Variants in MME observed in about 807,000 individuals in gnomAD.
MME encodes membrane metalloendopeptidase.
Under a neutral mutation model 113.2 loss-of-function variants are expected in MME, and 98 were observed. That is an observed-to-expected ratio of 0.87 (90% CI 0.74 to 1.02). The LOEUF (loss-of-function observed/expected upper bound fraction) is 1.02, where lower values mean the gene tolerates loss of function less well. Among genes scored for constraint, MME ranks in the 50% least tolerant of loss-of-function variants. MME has a pLI of 0.00. For missense variants in MME, 836 were observed against 896.0 expected (o/e 0.93, Z 0.86); for synonymous variants, 292 against 300.6 (o/e 0.97, Z 0.30).
chr3:155,039,149 G>C (rs1403949686), intron 1 of MME, among the ~76,000 whole-genome samples: 1 of 152,150 alleles, frequency 6.6e-6, no homozygotes. Flanking sequence ...GCAGAGTCAA[G>C]TGCAAGAGGA....
At chr3:155,162,152 C>T (rs3773878) in intron 17 of MME, among the ~76,000 whole-genome samples, 5,249 of 152,216 alleles carry the variant, frequency 0.034, 153 homozygotes, top group East Asian at 0.13. Context: ...TGGATCCTAT[C>T]GGAGCTCATG....
chr3:155,065,033 C>T (rs1714342859), intron 1 of MME, among the ~76,000 whole-genome samples: 1 of 152,122 alleles, frequency 6.6e-6, no homozygotes, highest in South Asian at 2.1e-4. Context: ...AAGGGTCATC[C>T]TACTCCAGTA....
At chr3:155,133,970 T>C (rs1197442560) in intron 8 of MME, among the ~76,000 whole-genome samples, 1 of 151,646 alleles carries the variant, frequency 6.6e-6, no homozygotes, top group Non-Finnish European at 1.5e-5. Context: ...GCTTGTACTT[T>C]GGAATAGTTG....
intron 1 of MME, among the ~76,000 whole-genome samples, chr3:155,049,078 T>C (rs879268273): frequency 3.3e-5 from 5 of 152,160 alleles, no homozygotes; most frequent in South Asian, 2.1e-4. Flanking sequence ...TTTTATTTTT[T>C]ATTTCAATTT....
chr3:155,026,943 T>C (rs981527017), intron 1 of MME, among the ~76,000 whole-genome samples: 1 of 152,206 alleles, frequency 6.6e-6, no homozygotes, highest in African/African-American at 2.4e-5. Context: ...TTATTCTGTC[T>C]ATCTACTCAG....
At chr3:155,042,408 C>T (rs1422676260) in intron 1 of MME, among the ~76,000 whole-genome samples, 20 of 152,108 alleles carry the variant, frequency 1.3e-4, no homozygotes, top group Non-Finnish European at 2.9e-5. Flanking sequence ...CAGTCTTTCT[C>T]CTGAAAGGTA....
At position 155,116,976 on chromosome 3, in the gene MME, A is replaced by T; in HGVS notation, c.644A>T (p.His215Leu). ...VGTDDKNSVN[H>L]VIHIDQPRLG... ...ACTGATGATAAGAATTCTGTGAATC[A>T]TGTAATTCATGTAAGTTTGTGTGTC... Residue 215 changes from histidine to leucine, a missense_variant, in exon 7 of 23, where the codon CAT (histidine) becomes CTT (leucine). Coordinates refer to ENST00000360490, the MANE Select transcript of MME (RefSeq NM_007289.4). 6.5e-7 allele frequency: 1 copy of T among 1,529,450 alleles called. No individual in the cohort carries two copies. Among genetic ancestry groups the T allele is most frequent in the African/African-American group, 1.4e-5 (1 of 73,246 alleles). 94.7% of individuals were successfully genotyped at this position (1,529,450 alleles called of 1,614,324 possible).
At chr3:155,029,738 G>A (rs1480385289) in intron 1 of MME, among the ~76,000 whole-genome samples, 1 of 152,146 alleles carries the variant, frequency 6.6e-6, no homozygotes, top group African/African-American at 2.4e-5. Flanking sequence ...TTTAAAACTA[G>A]TTCTACTTGC....
intron 22 of MME, 96 bp from the exon 23 acceptor site, chr3:155,180,264 T>C: frequency 1.1e-6 from 1 of 888,754 alleles, no homozygotes; most frequent in Non-Finnish European, 1.9e-6. Context: ...TCCAAATTCA[T>C]TCACTTGACC....
Position 155,168,716 on chromosome 3 carries a change from G to T in MME, c.1915-16G>T, listed in dbSNP as rs752904312. On this transcript the variant is annotated splice_polypyrimidine_tract_variant and intron_variant, in intron 19 of 22. Coordinates refer to ENST00000360490, the MANE Select transcript of MME (RefSeq NM_007289.4). ...TTCTTTTTTTAACAATCCTAATAAAGTGTCTTTTTTAACAGCTTAATGGAA... is the reference window on the plus strand; with the variant it reads ...TTCTTTTTTTAACAATCCTAATAAATTGTCTTTTTTAACAGCTTAATGGAA... 2 of 1,612,730 alleles carry T rather than the reference G, an allele frequency of 1.2e-6. No individual in the cohort carries two copies. The highest frequency in any genetic ancestry group is 4.5e-5 in the East Asian group (2 of 44,802).
At chr3:155,087,156 AT>A (rs1174115756) in intron 3 of MME, among the ~76,000 whole-genome samples, 1 of 150,930 alleles carries the variant, frequency 6.6e-6, no homozygotes, top group Non-Finnish European at 1.5e-5. Context: ...CTTTACTTGG[AT>A]TTTTGTTATT....
At position 155,182,040 on chromosome 3, in the gene MME, CAG is replaced by C. The variant is rs985637642; in HGVS notation, c.*1584_*1585del. 6.6e-6 allele frequency: 1 copy of C among 152,188 alleles called. No homozygotes were observed. Among genetic ancestry groups the C allele is most frequent in the African/African-American group, 2.4e-5 (1 of 41,454 alleles). 9.4% of individuals were successfully genotyped at this position (152,188 alleles called of 1,614,324 possible). A position where few individuals can be genotyped will look rare whatever the true frequency, so the allele number is the denominator to read the frequency against. Reference sequence around the variant, plus strand: ...CCCTGTAGCCAGCACCTGTAAGAAACAGAGCAGTACCAGCGCTCTAAAAGCAC... The same window carrying C: ...CCCTGTAGCCAGCACCTGTAAGAAACAGCAGTACCAGCGCTCTAAAAGCAC... On this transcript the variant is annotated 3_prime_UTR_variant, in exon 23 of 23. Transcript: ENST00000360490.
chr3:155,146,679 C>T (rs1365523106), intron 14 of MME, among the ~76,000 whole-genome samples: 2 of 151,944 alleles, frequency 1.3e-5, no homozygotes, highest in Non-Finnish European at 1.5e-5. Flanking sequence ...AACATAAAAA[C>T]TCCAGGAACC....
In MME at chr3:155,102,882, G is replaced by C. The variant is rs189287694; in HGVS notation, c.197-12112G>C. Among the ~76,000 whole-genome samples the C allele has an allele frequency of 1.0e-3, 154 of 152,260 alleles. 3 individuals are homozygous for C. The highest frequency in any genetic ancestry group is 0.01 in the Admixed American group (154 of 15,290). ...CTTCCTCCTTTATCCCTTCTTCAGAGGGTAGCCTACCTGTCCACACCGGCA... is the reference window on the plus strand; with the variant it reads ...CTTCCTCCTTTATCCCTTCTTCAGACGGTAGCCTACCTGTCCACACCGGCA... On this transcript the variant is annotated intron_variant, in intron 3 of 22. Coordinates refer to ENST00000360490, the MANE Select transcript of MME (RefSeq NM_007289.4).
chr3:155,044,691 G>T (rs559354318), intron 1 of MME, among the ~76,000 whole-genome samples: 74 of 152,116 alleles, frequency 4.9e-4, no homozygotes, highest in Middle Eastern at 3.4e-3. Flanking sequence ...CCATTAAGCA[G>T]TTTCATTATG....
intron 22 of MME, 67 bp from the exon 23 acceptor site, chr3:155,180,293 A>G: frequency 1.8e-6 from 2 of 1,116,214 alleles, no homozygotes; most frequent in Non-Finnish European, 2.8e-6. Flanking sequence ...GAAATGCTTC[A>G]GGGCTCCAGT....
At chr3:155,065,318 A>G (rs1162290610) in intron 1 of MME, among the ~76,000 whole-genome samples, 1 of 152,194 alleles carries the variant, frequency 6.6e-6, no homozygotes, top group South Asian at 2.1e-4. Context: ...CTAAGACTTA[A>G]GAAAAGGGAA....
chr3:155,066,884 A>C (rs998547411), intron 1 of MME, among the ~76,000 whole-genome samples: 2 of 152,168 alleles, frequency 1.3e-5, no homozygotes, highest in African/African-American at 4.8e-5. Context: ...GACCTAAGTG[A>C]ATCTAAAGAG....
chr3:155,144,139 A>G (rs1218123194), intron 13 of MME, among the ~76,000 whole-genome samples: 2 of 152,196 alleles, frequency 1.3e-5, no homozygotes, highest in African/African-American at 2.4e-5. Context: ...ACCTTAATGC[A>G]TATATTAAGA....
Sources: gnomAD v4.1 joint callset for allele counts (sites outside exome capture counted in the v4.1 genomes callset) on GRCh38, gnomAD v4.1.1 for gene constraint, MANE v1.5 for transcripts, NCBI Gene and HGNC (gene_info 2026-07-23, HGNC 2026-07-21) for gene names.